The following ZNF155 variants were observed in gnomAD, a reference collection of about 807,000 sequenced individuals.
The protein encoded by ZNF155 is KRAB A domain.
In ZNF155, 15 loss-of-function variants were observed where a neutral mutation model predicts 11.9. The ratio of observed to expected loss-of-function variants is 1.26; its 90% confidence interval spans 0.84 to 1.94. The LOEUF (loss-of-function observed/expected upper bound fraction) is 1.94. Among genes scored for constraint, ZNF155 ranks in the 30% most tolerant of loss-of-function variants. ZNF155 has a pLI of 0.00. For missense variants in ZNF155, 602 were observed against 639.1 expected (o/e 0.94, Z 0.63); for synonymous variants, 212 against 219.9 (o/e 0.96, Z 0.32).
chr19:43,996,296 C>T lies in ZNF155; in HGVS notation c.439C>T (p.Pro147Ser). Residue 147 changes from proline (P) to serine (S), a missense_variant, in exon 5 of 5, where the codon CCT (proline) becomes TCT (serine). Physicochemically the swap from Pro to Ser is moderately conservative, Grantham distance 74 (BLOSUM62 -1). Transcript: ENST00000270014. ...ACCCACAATTCATACAGGACAGAAACCTTCCCAGGGTGGGAAGTGTAAACA... is the reference window on the plus strand; with the variant it reads ...ACCCACAATTCATACAGGACAGAAATCTTCCCAGGGTGGGAAGTGTAAACA... The part of the protein sequence containing the change: ...GLPTIHTGQK[P>S]SQGGKCKQSI... The T allele has an allele frequency of 6.2e-7, 1 of 1,614,142 alleles. No homozygotes were observed. The highest frequency in any genetic ancestry group is 8.5e-7 in the Non-Finnish European group (1 of 1,179,960).
chr19:43,991,452 A>G (rs1975661465), intron 2 of ZNF155, 96 bp from the exon 3 acceptor site: 2 of 1,585,970 alleles, frequency 1.3e-6, no homozygotes, highest in African/African-American at 2.7e-5. Flanking sequence ...AATACTGAGA[A>G]CAACTTTCCA....
At chr19:43,990,937 G>A (rs921451912) in intron 2 of ZNF155, among the ~76,000 whole-genome samples, 1 of 152,104 alleles carries the variant, frequency 6.6e-6, no homozygotes, top group Middle Eastern at 3.2e-3. Flanking sequence ...CAGCCCACCC[G>A]AGGTTATATA....
At chr19:43,994,330 G>T (rs189940794) in intron 4 of ZNF155, among the ~76,000 whole-genome samples, 1 of 152,302 alleles carries the variant, frequency 6.6e-6, no homozygotes, top group African/African-American at 2.4e-5. Context: ...GTAAGATGAA[G>T]TATTTTACAT....
At position 43,990,168 on chromosome 19, in the gene ZNF155, G is replaced by T. The variant is rs544655580; in HGVS notation, c.16-1380G>T. The T allele has an allele frequency of 5.4e-4, 593 of 1,099,944 alleles. 1 individual carries two copies. In the African/African-American group the frequency reaches 8.4e-3, roughly 16 times the overall value. The allele number at this position is 1,099,944 out of a possible 1,614,324, so 68.1% of individuals were successfully genotyped here. The stretch of plus-strand genomic sequence containing the variant: ...GTTATATGATCACAGTTCTAAATGT[G>T]CTTATTTTTTGATGTTTTAATTTTC... On this transcript the variant is annotated intron_variant, in intron 2 of 4. Transcript: ENST00000270014.
Position 43,997,282 on chromosome 19 carries a change from G to C in ZNF155, c.1425G>C (p.Lys475Asn). 6.2e-7 allele frequency: 1 copy of C among 1,614,132 alleles called. No homozygotes were observed. The highest frequency in any genetic ancestry group is 1.6e-4 in the Middle Eastern group (1 of 6,062). Residue 475 changes from lysine to asparagine, a missense_variant, in exon 5 of 5, where the codon AAG becomes AAC. Coordinates refer to ENST00000270014, the MANE Select transcript of ZNF155 (RefSeq NM_198089.3). ...GGGCCTCAAGTATTTTGAATCATAA[G>C]AGACTCCACTGCCAGAAAAAACCAT... ...FSRASSILNHKRLHCQKKPFK... is the reference protein window; with the variant it reads ...FSRASSILNHNRLHCQKKPFK...
chr19:43,997,686 T>G lies in ZNF155; in HGVS notation c.*212T>G. 6.0e-6 allele frequency: 3 copies of G among 503,486 alleles called. No homozygotes were observed. Among genetic ancestry groups the G allele is most frequent in the Non-Finnish European group, 1.0e-5 (3 of 289,646 alleles). 31.2% of individuals were successfully genotyped at this position (503,486 alleles called of 1,614,324 possible). On this transcript the variant is annotated 3_prime_UTR_variant, in exon 5 of 5. Coordinates refer to ENST00000270014, the MANE Select transcript of ZNF155 (RefSeq NM_198089.3). ...AACGGGTCAGTGTCTCATCCCCACA[T>G]AACACAAAAAGCAGCCTGGGGAAGA...
chr19:43,988,322 A>G (rs1396274162), intron 1 of ZNF155, 137 bp from the exon 2 acceptor site: 8 of 409,446 alleles, frequency 2.0e-5, no homozygotes, highest in Non-Finnish European at 3.1e-5. Flanking sequence ...ATTCCATGGT[A>G]TGGATACACC....
intron 1 of ZNF155, among the ~76,000 whole-genome samples, chr19:43,985,604 G>T (rs1338084778): frequency 1.3e-5 from 2 of 148,928 alleles, no homozygotes; most frequent in East Asian, 2.0e-4. Context: ...GCAGTGGCGC[G>T]ATCTGGGCTC....
At chr19:43,988,333 A>G in intron 1 of ZNF155, 126 bp from the exon 2 acceptor site, 2 of 422,076 alleles carry the variant, frequency 4.7e-6, no homozygotes, top group Non-Finnish European at 8.5e-6. Flanking sequence ...TGGATACACC[A>G]CCATTTGCCT....
chr19:43,991,847 C>T lies in ZNF155; in HGVS notation c.148C>T (p.Gln50Ter). Residue 50 changes from glutamine to a stop codon, truncating the protein, a stop_gained, in exon 4 of 5, where the codon CAA becomes TAA. Transcript: ENST00000270014. LOFTEE classifies it high-confidence loss of function. ...GTGACCTTACCTATTCACAGGGCAT[C>T]AACCGTTCCACCAAGATACTTGCCA... Reference protein sequence around the residue: ...NFRNLLSVGHQPFHQDTCHFL... With the variant: ...NFRNLLSVGH 1 of 1,613,620 alleles carries T rather than the reference C, an allele frequency of 6.2e-7. No individual in the cohort carries two copies. The highest frequency in any genetic ancestry group is 8.5e-7 in the Non-Finnish European group (1 of 1,179,668).
At chr19:43,989,991 G>A in intron 2 of ZNF155, 2 of 1,334,828 alleles carry the variant, frequency 1.5e-6, no homozygotes, top group Non-Finnish European at 2.0e-6. Flanking sequence ...TCAAATAAGT[G>A]AGAATAATAG....
rs1426712067 is a variant in ZNF155 at position 43,996,366 on chromosome 19, A to G, written c.509A>G (p.Tyr170Cys). Residue 170 changes from tyrosine to cysteine, a missense_variant, in exon 5 of 5, where the codon TAC becomes TGC. Coordinates refer to ENST00000270014, the MANE Select transcript of ZNF155 (RefSeq NM_198089.3). Reference sequence around the variant, plus strand: ...ATCTTTGATCTTCCTCAGCAGTTATACTCAGAAGAGAAGTCTTATACATGT... The same window carrying G: ...ATCTTTGATCTTCCTCAGCAGTTATGCTCAGAAGAGAAGTCTTATACATGT... ...VPIFDLPQQL[Y>C]SEEKSYTCDE... 2.5e-6 allele frequency: 4 copies of G among 1,614,002 alleles called. No individual in the cohort carries two copies. Among genetic ancestry groups the G allele is most frequent in the Non-Finnish European group, 3.4e-6 (4 of 1,179,990 alleles).
rs936252231 is a variant in ZNF155, at chr19:43,996,977, T to C, written c.1120T>C (p.Cys374Arg). 5.0e-6 allele frequency: 8 copies of C among 1,614,136 alleles called. No individual in the cohort carries two copies. The highest frequency in any genetic ancestry group is 6.8e-6 in the Non-Finnish European group (8 of 1,179,998). The change falls in exon 5 of 5, where the codon TGT (cysteine) becomes CGT (arginine). Residue 374 changes from cysteine (C) to arginine (R), a missense_variant. Transcript: ENST00000270014. The part of the protein sequence containing the change: ...VVHTGEKPYN[C>R]KECGKSFRWS... ...CCACACAGGAGAAAAACCATATAAT[T>C]GTAAAGAATGTGGGAAGAGCTTCAG...
chr19:43,996,968 C>A lies in ZNF155; in HGVS notation c.1111C>A (p.Pro371Thr). The A allele has an allele frequency of 6.2e-7, 1 of 1,614,084 alleles. No homozygotes were observed. The highest frequency in any genetic ancestry group is 8.5e-7 in the Non-Finnish European group (1 of 1,179,994). ...KHQVVHTGEK[P>T]YNCKECGKSF... ...TCAGGTGGTCCACACAGGAGAAAAACCATATAATTGTAAAGAATGTGGGAA... is the reference window on the plus strand; with the variant it reads ...TCAGGTGGTCCACACAGGAGAAAAAACATATAATTGTAAAGAATGTGGGAA... The change falls in exon 5 of 5, where the codon CCA (proline) becomes ACA (threonine). Residue 371 changes from proline to threonine, a missense_variant. Transcript: ENST00000270014.
intron 2 of ZNF155, among the ~76,000 whole-genome samples, chr19:43,989,822 C>T (rs184825454): frequency 5.1e-4 from 77 of 152,202 alleles, no homozygotes; most frequent in African/African-American, 1.8e-3. Flanking sequence ...ATGTTAGCCA[C>T]GTGGATACCT....
chr19:43,986,743 C>A (rs1290932906), intron 1 of ZNF155, among the ~76,000 whole-genome samples: 3 of 152,158 alleles, frequency 2.0e-5, no homozygotes. Flanking sequence ...GCCACGGCGC[C>A]CAGCCCCCAT....
At position 43,997,207 on chromosome 19, in the gene ZNF155, C is replaced by T. The variant is rs62640891; in HGVS notation, c.1350C>T (p.His450=). The change falls in exon 5 of 5, where the codon CAC becomes CAT. Residue 450 remains histidine, a synonymous_variant. Coordinates refer to ENST00000270014, the MANE Select transcript of ZNF155 (RefSeq NM_198089.3). ...ATCTTGACTTGCACCAGAGGGTCCA[C>T]ACGGGAGAGAGACCTTATAATTGTA... ...KFNLDLHQRV[H]TGERPYNCKE... The T allele has an allele frequency of 2.5e-5, 40 of 1,614,010 alleles. No individual in the cohort carries two copies. Among genetic ancestry groups the T allele is most frequent in the Middle Eastern group, 1.6e-4 (1 of 6,084 alleles).
intron 1 of ZNF155, among the ~76,000 whole-genome samples, 193 bp from the exon 2 acceptor site, chr19:43,988,266 A>G (rs1975530739): frequency 6.6e-6 from 1 of 152,206 alleles, no homozygotes; most frequent in Admixed American, 6.5e-5. Context: ...TTCATTTAGC[A>G]TGATGTTTCC....
Position 43,996,902 on chromosome 19 carries a change from T to G in ZNF155, c.1045T>G (p.Cys349Gly). 1 of 1,614,052 alleles carries G rather than the reference T, an allele frequency of 6.2e-7. No individual in the cohort carries two copies. Among genetic ancestry groups the G allele is most frequent in the South Asian group, 1.1e-5 (1 of 91,072 alleles). ...AGAGAAACCGTACAGATGTGAGCAG[T>G]GTGGAAAAGGCTTTATTGGTAGGCT... ...TGEKPYRCEQ[C>G]GKGFIGRLDF... The change falls in exon 5 of 5, where the codon TGT (cysteine) becomes GGT (glycine). Residue 349 changes from cysteine (C) to glycine (G), a missense_variant. By Grantham distance (159) the Cys-to-Gly change is radical. Coordinates refer to ENST00000270014, the MANE Select transcript of ZNF155 (RefSeq NM_198089.3).
Sources: allele counts gnomAD v4.1 joint callset (sites outside exome capture counted in the v4.1 genomes callset), GRCh38; gene constraint gnomAD v4.1.1; transcripts MANE v1.5; gene names NCBI Gene and HGNC (gene_info 2026-07-23, HGNC 2026-07-21).